The following RBBP4 variants were observed in gnomAD, a reference collection of about 807,000 sequenced individuals.
RBBP4 encodes the protein histone-binding protein RBBP4.
Under a neutral mutation model 57.2 loss-of-function variants are expected in RBBP4, and 3 were observed. That is an observed-to-expected ratio of 0.05 (90% CI 0.02 to 0.14). The LOEUF (loss-of-function observed/expected upper bound fraction) is 0.14. RBBP4 is among the 10% of genes least tolerant of loss of function. RBBP4 has a pLI of 1.00. For missense variants in RBBP4, 107 were observed against 520.6 expected (o/e 0.21, Z 7.73); for synonymous variants, 151 against 171.5 (o/e 0.88, Z 0.93).
rs1333051379 is a variant in RBBP4 at position 32,657,552 on chromosome 1, A to G, written c.290A>G (p.His97Arg). The G allele has an allele frequency of 6.2e-7, 1 of 1,613,962 alleles. No individual in the cohort carries two copies. Among genetic ancestry groups the G allele is most frequent in the South Asian group, 1.1e-5 (1 of 91,028 alleles). Residue 97 changes from histidine to arginine, a missense_variant, in exon 3 of 12, where the codon CAC becomes CGC. Coordinates refer to ENST00000373493, the MANE Select transcript of RBBP4 (RefSeq NM_005610.3). ...PNDDAQFDAS[H>R]YDSEKGEFGG... ...GATGATGCTCAGTTTGATGCGTCAC[A>G]CTACGACAGTGAGAAAGGAGGTAGG...
intron 3 of RBBP4, among the ~76,000 whole-genome samples, chr1:32,658,562 T>TC (rs1648248036): frequency 6.6e-6 from 1 of 151,248 alleles, no homozygotes; most frequent in Admixed American, 6.6e-5. Flanking sequence ...TTTTTTTTTT[T>TC]TGGAGATGGA....
rs755795710 is a variant in RBBP4 at position 32,668,085 on chromosome 1, G to A, written c.311-140G>A. The A allele has an allele frequency of 2.0e-5, 15 of 736,550 alleles. No homozygotes were observed. The Admixed American group carries it at 2.4e-4, about 12-fold the overall frequency. The allele number at this position is 736,550 out of a possible 1,614,324, so 45.6% of individuals were successfully genotyped here. ...CGGGGGTAGGAAAGCACTTTATAGT[G>A]CTAGCAAATGTATAGATTACATCTA... is the stretch of plus-strand genomic sequence containing the variant. On this transcript the variant is annotated intron_variant, in intron 3 of 11. Transcript: ENST00000373493.
intron 2 of RBBP4, among the ~76,000 whole-genome samples, chr1:32,656,703 TC>T (rs5773379): frequency 0.83 from 126,048 of 152,140 alleles, 54,719 homozygotes; most frequent in Non-Finnish European, 0.96. Flanking sequence ...TCTTTGTACT[TC>T]CATCGCGTTT....
rs1649800926 is a variant in RBBP4 at position 32,685,986 on chromosome 1, T to C, written c.*6281T>C. 6.6e-6 allele frequency: 1 copy of C among 152,210 alleles called. No homozygotes were observed. The highest frequency in any genetic ancestry group is 2.4e-5 in the African/African-American group (1 of 41,448). The allele number at this position is 152,210 out of a possible 1,614,324, so 9.4% of individuals were successfully genotyped here. A position where few individuals can be genotyped will look rare whatever the true frequency, so the allele number is the denominator to read the frequency against. ...CCTCCAACTTGAACCTCTGTTACTCTTCCGTATGAACATTTTCCTCTAGCC... is the reference window on the plus strand; with the variant it reads ...CCTCCAACTTGAACCTCTGTTACTCCTCCGTATGAACATTTTCCTCTAGCC... On this transcript the variant is annotated 3_prime_UTR_variant, in exon 12 of 12. Coordinates refer to ENST00000373493, the MANE Select transcript of RBBP4 (RefSeq NM_005610.3).
intron 1 of RBBP4, 57 bp from the exon 2 acceptor site, chr1:32,651,855 CAG>C (rs1647732705): frequency 6.4e-7 from 1 of 1,558,366 alleles, no homozygotes. Flanking sequence ...GGTGGCTTTG[CAG>C]AGGATTACTC....
intron 11 of RBBP4, among the ~76,000 whole-genome samples, chr1:32,678,677 C>T (rs1289630219): frequency 7.5e-6 from 1 of 132,948 alleles, no homozygotes; most frequent in Non-Finnish European, 1.5e-5. Context: ...ACAACCACCA[C>T]CTCCCAGGTT....
chr1:32,678,296 G>A (rs902419680), intron 11 of RBBP4, among the ~76,000 whole-genome samples: 2 of 151,636 alleles, frequency 1.3e-5, no homozygotes, highest in Non-Finnish European at 2.9e-5. Flanking sequence ...GTGTGATCTT[G>A]GCTCACTGCA....
chr1:32,661,233 TTTC>T (rs2148520452), intron 3 of RBBP4, among the ~76,000 whole-genome samples: 1 of 152,246 alleles, frequency 6.6e-6, no homozygotes, highest in South Asian at 2.1e-4. Flanking sequence ...TGTAGAACAA[TTTC>T]TTTTCTTTTG....
intron 11 of RBBP4, among the ~76,000 whole-genome samples, chr1:32,676,244 G>A (rs970073267): frequency 2.6e-5 from 4 of 152,250 alleles, no homozygotes; most frequent in African/African-American, 7.2e-5. Context: ...AAGGGGAAGC[G>A]CAGACTGAAG....
intron 3 of RBBP4, among the ~76,000 whole-genome samples, chr1:32,664,889 A>G (rs1486817364): frequency 2.6e-5 from 4 of 152,222 alleles, no homozygotes; most frequent in Non-Finnish European, 4.4e-5. Flanking sequence ...GTATGTTTAC[A>G]CTATACTATA....
At chr1:32,666,329 A>G (rs1424099425) in intron 3 of RBBP4, among the ~76,000 whole-genome samples, 1 of 151,552 alleles carries the variant, frequency 6.6e-6, no homozygotes, top group Non-Finnish European at 1.5e-5. Context: ...TTTATTCAGC[A>G]TACTTATTTA....
At chr1:32,659,210 A>G (rs1237444574) in intron 3 of RBBP4, among the ~76,000 whole-genome samples, 2 of 150,776 alleles carry the variant, frequency 1.3e-5, no homozygotes, top group Admixed American at 6.6e-5. Flanking sequence ...ATGTGGTTTT[A>G]CATATATATG....
chr1:32,680,654 C>A lies in RBBP4; in HGVS notation c.*949C>A. On this transcript the variant is annotated 3_prime_UTR_variant, in exon 12 of 12. Transcript: ENST00000373493. ...TGGAATAAATTGCTTTTCTACATAA[C>A]CCCATGCTGATGGGTTTTATTTAGT... 2 of 1,062,274 alleles carry A rather than the reference C, an allele frequency of 1.9e-6. No individual in the cohort carries two copies. Among genetic ancestry groups the A allele is most frequent in the Non-Finnish European group, 2.8e-6 (2 of 726,834 alleles). The allele number at this position is 1,062,274 out of a possible 1,614,324, so 65.8% of individuals were successfully genotyped here. A position where few individuals can be genotyped will look rare whatever the true frequency, so the allele number is the denominator to read the frequency against.
rs1649337316 is a variant in RBBP4 at position 32,680,206 on chromosome 1, CA to C, written c.*502del. ...AGGATGCACATTTTCATACGTAGACCAGTTTCCTCTTGGTTTCTTCAGTTAA... is the reference window on the plus strand; with the variant it reads ...AGGATGCACATTTTCATACGTAGACCGTTTCCTCTTGGTTTCTTCAGTTAA... On this transcript the variant is annotated 3_prime_UTR_variant, in exon 12 of 12. Coordinates refer to ENST00000373493, the MANE Select transcript of RBBP4 (RefSeq NM_005610.3). 4.5e-6 allele frequency: 5 copies of C among 1,118,040 alleles called. No individual in the cohort carries two copies. In the African/African-American group the frequency reaches 8.2e-5, roughly 18 times the overall value. The allele number at this position is 1,118,040 out of a possible 1,614,324, so 69.3% of individuals were successfully genotyped here.
intron 2 of RBBP4, 147 bp downstream of exon 2, chr1:32,652,208 C>CA: frequency 1.1e-6 from 1 of 887,502 alleles, no homozygotes; most frequent in Non-Finnish European, 1.7e-6. Flanking sequence ...CAAAGTAAGG[C>CA]AAAATAACAA....
Position 32,669,398 on chromosome 1 carries a change from G to C in RBBP4, c.888+41G>C. The C allele has an allele frequency of 1.3e-6, 2 of 1,571,990 alleles. No individual in the cohort carries two copies. Among genetic ancestry groups the C allele is most frequent in the Non-Finnish European group, 1.7e-6 (2 of 1,166,584 alleles). On this transcript the variant is annotated intron_variant, in intron 7 of 11. Transcript: ENST00000373493. The surrounding 1 kb of genome is among the most constrained non-coding windows in gnomAD (Gnocchi z 4.9). ...TTTAATAGAAAACATAATTTCTCTA[G>C]GTTTTTTTGAATTGCAGAGATATTT... is the stretch of plus-strand genomic sequence containing the variant.
chr1:32,684,341 TCTTAA>T lies in RBBP4; in HGVS notation c.*4639_*4643del, dbSNP rs1396583316. 1 of 1,614,202 alleles carries T rather than the reference TCTTAA, an allele frequency of 6.2e-7. No individual in the cohort carries two copies. The highest frequency in any genetic ancestry group is 8.5e-7 in the Non-Finnish European group (1 of 1,180,036). ...TCTGTTGCTGGAGTTGCACCCCATT[TCTTAA>T]CTGCCTCTGGCGTTCTTCCATTTCC... is the stretch of plus-strand genomic sequence containing the variant. On this transcript the variant is annotated 3_prime_UTR_variant, in exon 12 of 12. Transcript: ENST00000373493.
chr1:32,668,581 T>C, intron 4 of RBBP4, 158 bp from the exon 5 acceptor site: 1 of 840,400 alleles, frequency 1.2e-6, no homozygotes, highest in Non-Finnish European at 1.8e-6. Flanking sequence ...TAGAACAAAA[T>C]ACTGGTGCTG....
rs1649799577 is a variant in RBBP4 at position 32,685,974 on chromosome 1, C to CCTCCAACTAGTAA, written c.*6272_*6273insCAACTAGTAACTC. Reference sequence around the variant, plus strand: ...GTTTGACCCCTACCTCCAACTTGAACCTCTGTTACTCTTCCGTATGAACAT... The same window carrying CCTCCAACTAGTAA: ...GTTTGACCCCTACCTCCAACTTGAACCTCCAACTAGTAACTCTGTTACTCTTCCGTATGAACAT... On this transcript the variant is annotated 3_prime_UTR_variant, in exon 12 of 12. Coordinates refer to ENST00000373493, the MANE Select transcript of RBBP4 (RefSeq NM_005610.3). 6.6e-6 allele frequency: 1 copy of CCTCCAACTAGTAA among 152,150 alleles called. No homozygotes were observed. The allele number at this position is 152,150 out of a possible 1,614,324, so 9.4% of individuals were successfully genotyped here.
Sources: allele counts gnomAD v4.1 joint callset (sites outside exome capture counted in the v4.1 genomes callset), GRCh38; gene constraint gnomAD v4.1.1; non-coding constraint Gnocchi (gnomAD v3.1); transcripts MANE v1.5; gene names NCBI Gene and HGNC (gene_info 2026-07-23, HGNC 2026-07-21).